The following APC2 variants were observed in gnomAD, a reference collection of about 807,000 sequenced individuals.
APC2 encodes the protein APC regulator of Wnt signaling pathway 2, also known as adenomatous polyposis coli protein 2.
In APC2, 41 loss-of-function variants were observed where a neutral mutation model predicts 72.5. The observed-to-expected ratio is 0.57, with a 90% confidence interval of 0.44 to 0.73. The LOEUF is 0.73. Ranked by LOEUF, APC2 falls within the 30% of genes least tolerant of loss-of-function variation. The probability of loss-of-function intolerance (pLI) is 0.00; values close to 1 mark genes in which losing one functional copy is unlikely to be tolerated. For missense variants in APC2, 3,729 were observed against 3,403.4 expected (o/e 1.10, Z -2.38); for synonymous variants, 1,898 against 1,612.0 (o/e 1.18, Z -4.25).
intron 11 of APC2, 73 bp from the exon 12 acceptor site, chr19:1,460,707 G>A (rs191290813): frequency 4.9e-5 from 72 of 1,455,692 alleles, no homozygotes; most frequent in African/African-American, 3.2e-4. Flanking sequence ...GCACACAGAC[G>A]GGGCTGGGAG....
At chr19:1,456,656 C>T (rs1204945807) in intron 8 of APC2, among the ~76,000 whole-genome samples, 197 bp from the exon 9 acceptor site, 1 of 152,062 alleles carries the variant, frequency 6.6e-6, no homozygotes, top group Non-Finnish European at 1.5e-5. Context: ...CTCTGCGCGG[C>T]CACCCTAGGA....
chr19:1,455,520 G>A lies in APC2; in HGVS notation c.639+20G>A. The A allele has an allele frequency of 6.3e-7, 1 of 1,588,920 alleles. No individual in the cohort carries two copies. The highest frequency in any genetic ancestry group is 8.6e-7 in the Non-Finnish European group (1 of 1,166,284). On this transcript the variant is annotated intron_variant, in intron 6 of 14. Transcript: ENST00000590469. ...GCACAGGTGCGGCGGTGGGCGGGGT[G>A]GCGCGGCGGTAGGCGGGGCCCTGCG...
chr19:1,460,478 T>TG (rs1340484286), intron 11 of APC2, among the ~76,000 whole-genome samples, 158 bp downstream of exon 11: 1 of 152,168 alleles, frequency 6.6e-6, no homozygotes, highest in Non-Finnish European at 1.5e-5. Flanking sequence ...GAGTGCGGTG[T>TG]GGGGGGACGG....
intron 9 of APC2, 83 bp downstream of exon 9, chr19:1,457,326 A>G: frequency 1.5e-5 from 22 of 1,442,750 alleles, no homozygotes; most frequent in Non-Finnish European, 2.0e-5. Context: ...TAGGACCTCC[A>G]GCCTTTGCTG....
At chr19:1,462,965 C>T (rs567812716) in intron 14 of APC2, among the ~76,000 whole-genome samples, 122 of 135,004 alleles carry the variant, frequency 9.0e-4, no homozygotes, top group Admixed American at 1.4e-3. Flanking sequence ...AGCAAGATTC[C>T]GTCTTAAAAA....
Position 1,457,046 on chromosome 19 carries a change from C to A in APC2, c.1010C>A (p.Ala337Glu). Residue 337 changes from alanine to glutamate, a missense_variant, in exon 9 of 15, where the codon GCA (alanine) becomes GAA (glutamate). By Grantham distance (107) the Ala-to-Glu change is moderately radical. Coordinates refer to ENST00000590469, the MANE Select transcript of APC2 (RefSeq NM_005883.3). ...GGGGGTCGCGCCGGGGCCCCAGGGGCACCGGGCGCCAAGGACGCACGCATG... is the reference window on the plus strand; with the variant it reads ...GGGGGTCGCGCCGGGGCCCCAGGGGAACCGGGCGCCAAGGACGCACGCATG... Reference protein sequence around the residue: ...AAGGRAGAPGAPGAKDARMRA... With the variant: ...AAGGRAGAPGEPGAKDARMRA... 1 of 1,528,948 alleles carries A rather than the reference C, an allele frequency of 6.5e-7. No individual in the cohort carries two copies. Among genetic ancestry groups the A allele is most frequent in the East Asian group, 2.5e-5 (1 of 39,930 alleles). 94.7% of individuals were successfully genotyped at this position (1,528,948 alleles called of 1,614,324 possible).
In APC2 at chr19:1,471,064, G is replaced by A. The variant is rs907143113; in HGVS notation, c.*851G>A. ...TGGGGCGACCCCAAGGGTCGCTGGA[G>A]TCAGTATCGGCCCGGCGCAGCCGCG... is the stretch of plus-strand genomic sequence containing the variant. On this transcript the variant is annotated 3_prime_UTR_variant, in exon 15 of 15. Transcript: ENST00000590469. 1.3e-5 allele frequency: 2 copies of A among 151,940 alleles called. No individual in the cohort carries two copies. The highest frequency in any genetic ancestry group is 4.8e-5 in the African/African-American group (2 of 41,364). 9.4% of individuals were successfully genotyped at this position (151,940 alleles called of 1,614,324 possible). A position where few individuals can be genotyped will look rare whatever the true frequency, so the allele number is the denominator to read the frequency against.
upstream of APC2, among the ~76,000 whole-genome samples, chr19:1,447,545 CT>C (rs2083698577): frequency 6.6e-6 from 1 of 151,842 alleles, no homozygotes; most frequent in African/African-American, 2.4e-5. Context: ...GGGGAGACCT[CT>C]CTCAGTCTCC....
At chr19:1,451,739 G>C (rs915718599) in intron 1 of APC2, 7 of 152,388 alleles carry the variant, frequency 4.6e-5, no homozygotes, top group African/African-American at 1.4e-4. Flanking sequence ...GACAGACCAA[G>C]AAGGAGCCGG....
At position 1,457,123 on chromosome 19, in the gene APC2, C is replaced by G; in HGVS notation, c.1087C>G (p.Leu363Val). ...NIVFSQPDQG[L>V]ARKEMRVLHV... ...CGTCTTCTCGCAGCCGGACCAGGGC[C>G]TGGCGCGCAAGGAGATGCGCGTCCT... is the stretch of plus-strand genomic sequence containing the variant. Residue 363 changes from leucine (L) to valine (V), a missense_variant, in exon 9 of 15, where the codon CTG becomes GTG. Coordinates refer to ENST00000590469, the MANE Select transcript of APC2 (RefSeq NM_005883.3). The G allele has an allele frequency of 6.3e-7, 1 of 1,588,798 alleles. No homozygotes were observed. Among genetic ancestry groups the G allele is most frequent in the Non-Finnish European group, 8.5e-7 (1 of 1,170,818 alleles).
In APC2 at chr19:1,453,121, G is replaced by C; in HGVS notation, c.120G>C (p.Glu40Asp). 1 of 1,606,270 alleles carries C rather than the reference G, an allele frequency of 6.2e-7. No homozygotes were observed. ...RDNSSHLSKLETETSGMKEVL... is the reference protein window; with the variant it reads ...RDNSSHLSKLDTETSGMKEVL... Reference sequence around the variant, plus strand: ...ACTCCAGCCACCTGTCCAAGCTGGAGACAGAGACGTCGGGCATGAAGGTGG... The same window carrying C: ...ACTCCAGCCACCTGTCCAAGCTGGACACAGAGACGTCGGGCATGAAGGTGG... Residue 40 changes from glutamate (E) to aspartate (D), a missense_variant, in exon 2 of 15, where the codon GAG (glutamate) becomes GAC (aspartate). By Grantham distance (45) the Glu-to-Asp change is conservative (BLOSUM62 2). Transcript: ENST00000590469.
Position 1,457,068 on chromosome 19 carries a change from C to T in APC2, c.1032C>T (p.Arg344=), listed in dbSNP as rs1318252522. Residue 344 remains arginine (R), a synonymous_variant, in exon 9 of 15, where the codon CGC becomes CGT. Coordinates refer to ENST00000590469, the MANE Select transcript of APC2 (RefSeq NM_005883.3). ...GGGCACCGGGCGCCAAGGACGCACG[C>T]ATGCGCGCCAACGCGGCGCTGCACA... ...APGAPGAKDA[R]MRANAALHNI... 9 of 1,548,542 alleles carry T rather than the reference C, an allele frequency of 5.8e-6. No individual in the cohort carries two copies. The highest frequency in any genetic ancestry group is 8.7e-7 in the Non-Finnish European group (1 of 1,154,034).
At chr19:1,454,049 C>T (rs1186832837) in intron 4 of APC2, among the ~76,000 whole-genome samples, 1 of 152,176 alleles carries the variant, frequency 6.6e-6, no homozygotes, top group Non-Finnish European at 1.5e-5. Flanking sequence ...GGTCTGGGCA[C>T]CCTGTGCAGC....
rs2084019743 is a variant in APC2 at position 1,466,581 on chromosome 19, G to A, written c.3280G>A (p.Asp1094Asn). The part of the protein sequence containing the change: ...PSEGGDLDDS[D>N]SSLEGLEEAG... ...CGAGGGTGGTGACCTGGATGACAGT[G>A]ACTCCTCCCTGGAGGGGCTGGAGGA... Residue 1094 changes from aspartate (D) to asparagine (N), a missense_variant, in exon 15 of 15, where the codon GAC becomes AAC. Coordinates refer to ENST00000590469, the MANE Select transcript of APC2 (RefSeq NM_005883.3). 1.3e-6 allele frequency: 2 copies of A among 1,574,120 alleles called. No homozygotes were observed. The highest frequency in any genetic ancestry group is 2.7e-5 in the African/African-American group (2 of 74,450).
At chr19:1,464,046 C>T (rs968398283) in intron 14 of APC2, among the ~76,000 whole-genome samples, 39 of 151,656 alleles carry the variant, frequency 2.6e-4, no homozygotes, top group Non-Finnish European at 3.1e-4. Flanking sequence ...GGGTGGTGGA[C>T]GCCTGTAATC....
intron 10 of APC2, chr19:1,458,277 G>T: frequency 1.7e-6 from 1 of 583,868 alleles, no homozygotes; most frequent in Non-Finnish European, 3.1e-6. Flanking sequence ...CTCCCGATCT[G>T]GTCTGAGGCT....
chr19:1,469,167 C>T lies in APC2; in HGVS notation c.5866C>T (p.Arg1956Trp). 7.9e-7 allele frequency: 1 copy of T among 1,273,272 alleles called. No individual in the cohort carries two copies. Among genetic ancestry groups the T allele is most frequent in the African/African-American group, 1.6e-5 (1 of 64,118 alleles). The allele number at this position is 1,273,272 out of a possible 1,614,324, so 78.9% of individuals were successfully genotyped here. A position where few individuals can be genotyped will look rare whatever the true frequency, so the allele number is the denominator to read the frequency against. The change falls in exon 15 of 15, where the codon CGG becomes TGG. Residue 1956 changes from arginine to tryptophan, a missense_variant. Physicochemically the swap from Arg to Trp is moderately radical, Grantham distance 101. Coordinates refer to ENST00000590469, the MANE Select transcript of APC2 (RefSeq NM_005883.3). ...RAVPEPGPRG[R>W]AGTEAGPGAR... ...AGTCCCGGAGCCGGGCCCCAGGGGC[C>T]GGGCGGGGACCGAGGCGGGCCCGGG... is the stretch of plus-strand genomic sequence containing the variant.
In APC2 at chr19:1,450,172, G is replaced by C. The variant is rs1252045961; in HGVS notation, c.-185G>C. On this transcript the variant is annotated 5_prime_UTR_variant, in exon 1 of 15. Coordinates refer to ENST00000590469, the MANE Select transcript of APC2 (RefSeq NM_005883.3). ...CGGCAGCGCCGCCTGCCCAGGCCCG[G>C]ACCGGGCTTTGTCCGCCCCGGAGCC... 3 of 985,312 alleles carry C rather than the reference G, an allele frequency of 3.0e-6. No homozygotes were observed. The highest frequency in any genetic ancestry group is 3.6e-6 in the Non-Finnish European group (3 of 829,898). The allele number at this position is 985,312 out of a possible 1,614,324, so 61.0% of individuals were successfully genotyped here.
chr19:1,465,989 C>T lies in APC2; in HGVS notation c.2688C>T (p.Arg896=), dbSNP rs975616380. 1.4e-5 allele frequency: 22 copies of T among 1,520,300 alleles called. No homozygotes were observed. Among genetic ancestry groups the T allele is most frequent in the Non-Finnish European group, 1.7e-5 (20 of 1,143,314 alleles). 94.2% of individuals were successfully genotyped at this position (1,520,300 alleles called of 1,614,324 possible). Residue 896 remains arginine, a synonymous_variant, in exon 15 of 15, where the codon CGC becomes CGT. Transcript: ENST00000590469. Reference sequence around the variant, plus strand: ...GCGCCCAGTCCTGCTCGCCATGCCGCGGCCCGGAGGGCGGGCGGCGAGAGG... The same window carrying T: ...GCGCCCAGTCCTGCTCGCCATGCCGTGGCCCGGAGGGCGGGCGGCGAGAGG... The part of the protein sequence containing the change: ...EGRAQSCSPC[R]GPEGGRREAG...
Sources: allele counts gnomAD v4.1 joint callset (sites outside exome capture counted in the v4.1 genomes callset), GRCh38; gene constraint gnomAD v4.1.1; transcripts MANE v1.5; gene names NCBI Gene and HGNC (gene_info 2026-07-23, HGNC 2026-07-21).